ACOX3: variants seen among roughly 807,000 people sequenced by gnomAD.
ACOX3 encodes the protein acyl-CoA oxidase 3, pristanoyl.
Under a neutral mutation model 81.5 loss-of-function variants are expected in ACOX3, and 73 were observed. That is an observed-to-expected ratio of 0.90 (90% CI 0.74 to 1.09). The LOEUF (loss-of-function observed/expected upper bound fraction) is 1.09. Among genes scored for constraint, ACOX3 ranks in the 50% least tolerant of loss-of-function variants. ACOX3 has a pLI of 0.00. For missense variants in ACOX3, 947 were observed against 928.0 expected, an observed-to-expected ratio of 1.02 and a Z score of -0.27; for synonymous variants, 387 against 375.1, an observed-to-expected ratio of 1.03 and a Z score of -0.37.
intron 7 of ACOX3, among the ~76,000 whole-genome samples, chr4:8,401,863 G>A (rs1391372219): frequency 6.6e-6 from 1 of 152,164 alleles, no homozygotes; most frequent in African/African-American, 2.4e-5. Flanking sequence ...GCAGCCCTCG[G>A]CCCACCTGGG....
chr4:8,429,789 C>G (rs1723844278), intron 1 of ACOX3, among the ~76,000 whole-genome samples: 1 of 152,096 alleles, frequency 6.6e-6, no homozygotes, highest in Admixed American at 6.5e-5. Flanking sequence ...AAGGAAGAGC[C>G]AGGCGTTGTG....
rs1027323818 is a variant in ACOX3 at position 8,366,761 on chromosome 4, C to T, written c.*200G>A. ...TTCTTTTCCACGCTGCAAATCACCG[C>T]GATCCCAGATTAGTCCAGCCGGCCG... On this transcript the variant is annotated 3_prime_UTR_variant, in exon 18 of 18. Transcript: ENST00000356406. 1.4e-5 allele frequency: 8 copies of T among 560,856 alleles called. No homozygotes were observed. The highest frequency in any genetic ancestry group is 3.3e-5 in the Admixed American group (1 of 30,184). 34.7% of individuals were successfully genotyped at this position (560,856 alleles called of 1,614,324 possible). A position where few individuals can be genotyped will look rare whatever the true frequency, so the allele number is the denominator to read the frequency against.
intron 11 of ACOX3, among the ~76,000 whole-genome samples, chr4:8,392,066 G>A (rs568605950): frequency 6.6e-6 from 1 of 152,334 alleles, no homozygotes; most frequent in South Asian, 2.1e-4. Context: ...TTCTGCAATG[G>A]ACCAGAGAGT....
Position 8,394,947 on chromosome 4 carries a change from G to T in ACOX3, c.1057-205C>A. ...TCAGCCAGTTCGGCTTTCACCCATA[G>T]CCCTTGACAGACAAGCTCAAACGCA... On this transcript the variant is annotated intron_variant, in intron 9 of 17. Transcript: ENST00000356406. The surrounding 1 kb of genome is among the most constrained non-coding windows in gnomAD (Gnocchi z 5.9). 1 of 570,514 alleles carries T rather than the reference G, an allele frequency of 1.8e-6. No homozygotes were observed. The highest frequency in any genetic ancestry group is 2.9e-6 in the Non-Finnish European group (1 of 342,802). 35.3% of individuals were successfully genotyped at this position (570,514 alleles called of 1,614,324 possible).
Position 8,416,033 on chromosome 4 carries a change from G to C in ACOX3, c.145-34C>G. 1 of 1,595,544 alleles carries C rather than the reference G, an allele frequency of 6.3e-7. No homozygotes were observed. Among genetic ancestry groups the C allele is most frequent in the South Asian group, 1.1e-5 (1 of 90,282 alleles). ...GCAGGAGATGGGTAAGGCTTATTTG[G>C]AGTAAAAGATGGACTCTCCATGTGC... On this transcript the variant is annotated intron_variant, in intron 2 of 17. Coordinates refer to ENST00000356406, the MANE Select transcript of ACOX3 (RefSeq NM_003501.3). The surrounding 1 kb of genome is among the most constrained non-coding windows in gnomAD (Gnocchi z 4.2).
intron 14 of ACOX3, among the ~76,000 whole-genome samples, chr4:8,377,700 G>A (rs966009143): frequency 2.0e-5 from 3 of 152,186 alleles, no homozygotes. Context: ...CTGGGGATGG[G>A]CTCCCTAAAC....
At chr4:8,436,460 G>T (rs1333366164) in intron 1 of ACOX3, 2 of 152,074 alleles carry the variant, frequency 1.3e-5, no homozygotes, top group Non-Finnish European at 2.9e-5. Context: ...ACTGCATGGA[G>T]AATTATATTT....
intron 1 of ACOX3, among the ~76,000 whole-genome samples, chr4:8,422,527 C>T (rs1390428094): frequency 6.6e-6 from 1 of 152,102 alleles, no homozygotes; most frequent in Non-Finnish European, 1.5e-5. Context: ...CAGAACAGGA[C>T]AAACGGGCCC....
At chr4:8,364,560 T>C (rs1715314236), downstream of ACOX3, among the ~76,000 whole-genome samples, 1 of 151,148 alleles carries the variant, frequency 6.6e-6, no homozygotes, top group South Asian at 2.1e-4. This position sits in a 1 kb window ranked among gnomAD's most constrained non-coding sequence, Gnocchi z 5.0. Flanking sequence ...GTGTCTGACA[T>C]GGTGACATCA....
Position 8,385,977 on chromosome 4 carries a change from G to A in ACOX3, c.1537+3196C>T, listed in dbSNP as rs1170558767. Among the ~76,000 whole-genome samples, 3 of 152,192 alleles carry A rather than the reference G, an allele frequency of 2.0e-5. No homozygotes were observed. The highest frequency in any genetic ancestry group is 4.4e-5 in the Non-Finnish European group (3 of 68,044). On this transcript the variant is annotated intron_variant, in intron 13 of 17. Coordinates refer to ENST00000356406, the MANE Select transcript of ACOX3 (RefSeq NM_003501.3). This position sits in a 1 kb window ranked among gnomAD's most constrained non-coding sequence, Gnocchi z 5.5. Reference sequence around the variant, plus strand: ...ATTTGCCTTTGTTACTCCGGAAAACGTTTTCACTTTGTTGCATCTTGTAAA... The same window carrying A: ...ATTTGCCTTTGTTACTCCGGAAAACATTTTCACTTTGTTGCATCTTGTAAA...
intron 14 of ACOX3, among the ~76,000 whole-genome samples, chr4:8,379,995 T>C (rs1023790572): frequency 6.6e-6 from 1 of 151,848 alleles, no homozygotes; most frequent in African/African-American, 2.4e-5. Context: ...GAGGGAGCAG[T>C]GGAAGCTGAC....
At chr4:8,364,663 C>G (rs751829914), downstream of ACOX3, among the ~76,000 whole-genome samples, 2 of 152,236 alleles carry the variant, frequency 1.3e-5, no homozygotes, top group Non-Finnish European at 2.9e-5. The surrounding 1 kb of genome is among the most constrained non-coding windows in gnomAD (Gnocchi z 5.0). Flanking sequence ...TGCATGAGAA[C>G]CCGTCATATA....
chr4:8,395,117 G>A (rs985474109), intron 9 of ACOX3, among the ~76,000 whole-genome samples: 1 of 152,176 alleles, frequency 6.6e-6, no homozygotes, highest in East Asian at 1.9e-4. Flanking sequence ...ATGAGCCTGT[G>A]AGGATGAGGC....
Position 8,405,965 on chromosome 4 carries a change from G to A in ACOX3, c.766C>T (p.Leu256=). Reference sequence around the variant, plus strand: ...GCCTCTGTCACTCACCCATTATCCAGACCGTTCTGCCCGAGTTTTTTTCCT... The same window carrying A: ...GCCTCTGTCACTCACCCATTATCCAAACCGTTCTGCCCGAGTTTTTTTCCT... ...DIGKKLGQNG[L]DNGFAMFHKV... is the part of the protein sequence containing the mutation. The change falls in exon 7 of 18, where the codon CTG becomes TTG. Residue 256 remains leucine, a synonymous_variant. Transcript: ENST00000356406. The surrounding 1 kb of genome is among the most constrained non-coding windows in gnomAD (Gnocchi z 7.1). 1 of 1,614,136 alleles carries A rather than the reference G, an allele frequency of 6.2e-7. No homozygotes were observed.
chr4:8,355,665 T>C, the ACOX3 span: 4 of 152,230 alleles, frequency 2.6e-5, no homozygotes, highest in Non-Finnish European at 5.9e-5. Context: ...GAGTCTTCGT[T>C]TTAAAATGTG....
At chr4:8,403,551 G>A (rs1449531206) in intron 7 of ACOX3, among the ~76,000 whole-genome samples, 2 of 152,200 alleles carry the variant, frequency 1.3e-5, no homozygotes, top group East Asian at 3.9e-4. Flanking sequence ...AAGGCTCTGG[G>A]GGCTCAGTGA....
chr4:8,411,742 G>A (rs889629177), intron 5 of ACOX3, among the ~76,000 whole-genome samples: 3 of 152,196 alleles, frequency 2.0e-5, no homozygotes, highest in African/African-American at 7.2e-5. Flanking sequence ...ATGGTGCCCA[G>A]CACATCTCAC....
Position 8,406,114 on chromosome 4 carries a change from A to G in ACOX3, c.688-71T>C, listed in dbSNP as rs1720924006. 5 of 1,484,194 alleles carry G rather than the reference A, an allele frequency of 3.4e-6. No individual in the cohort carries two copies. Among genetic ancestry groups the G allele is most frequent in the Non-Finnish European group, 3.8e-6 (4 of 1,065,334 alleles). 91.9% of individuals were successfully genotyped at this position (1,484,194 alleles called of 1,614,324 possible). ...CACAAAAATCAAAACAAATGTGTTC[A>G]GAAACCCACAGGGTGGGCCATGGGC... On this transcript the variant is annotated intron_variant, in intron 6 of 17. Coordinates refer to ENST00000356406, the MANE Select transcript of ACOX3 (RefSeq NM_003501.3). The surrounding 1 kb of genome is among the most constrained non-coding windows in gnomAD (Gnocchi z 5.6).
intron 1 of ACOX3, chr4:8,438,719 A>C (rs1436037616): frequency 6.6e-6 from 1 of 152,248 alleles, no homozygotes; most frequent in East Asian, 1.9e-4. Flanking sequence ...TCTAGGACCC[A>C]TATAGGATGG....
Sources: gnomAD v4.1 joint callset for allele counts (sites outside exome capture counted in the v4.1 genomes callset) on GRCh38, gnomAD v4.1.1 for gene constraint, Gnocchi (gnomAD v3.1) non-coding constraint, MANE v1.5 for transcripts, NCBI Gene and HGNC (gene_info 2026-07-23, HGNC 2026-07-21) for gene names.